The following PLXDC2 variants were observed in gnomAD, a reference collection of about 807,000 sequenced individuals.
PLXDC2 encodes plexin domain-containing protein 2.
A neutral mutation model predicts 68.9 loss-of-function variants in PLXDC2; 40 were observed. That is an observed-to-expected ratio of 0.58 (90% confidence interval 0.45 to 0.76). The LOEUF (loss-of-function observed/expected upper bound fraction) is 0.76, where lower values mean the gene tolerates loss of function less well. Ranked by LOEUF, PLXDC2 falls within the 30% of genes least tolerant of loss-of-function variation. PLXDC2 has a pLI of 0.00. For synonymous variants in PLXDC2, 243 were observed against 234.2 expected, an observed-to-expected ratio of 1.04 and a Z score of -0.34; for missense variants, 644 against 661.9, an observed-to-expected ratio of 0.97 and a Z score of 0.30.
intron 10 of PLXDC2, among the ~76,000 whole-genome samples, chr10:20,214,737 C>T (rs1200733189): frequency 3.3e-5 from 5 of 152,054 alleles, no homozygotes; most frequent in African/African-American, 7.2e-5. Context: ...CTTAGTCTGC[C>T]GTTACTGCCA....
At chr10:19,817,817 C>G (rs986290845) in intron 1 of PLXDC2, among the ~76,000 whole-genome samples, 1 of 152,202 alleles carries the variant, frequency 6.6e-6, no homozygotes, top group African/African-American at 2.4e-5. Context: ...CCCCTGCTCC[C>G]ATTGTCCTCC....
At chr10:19,978,928 C>A (rs1321959019) in intron 1 of PLXDC2, among the ~76,000 whole-genome samples, 1 of 152,056 alleles carries the variant, frequency 6.6e-6, no homozygotes, top group African/African-American at 2.4e-5. Flanking sequence ...AATGATGGAA[C>A]AAGAACAAAG....
At chr10:19,902,683 G>A (rs780295857) in intron 1 of PLXDC2, among the ~76,000 whole-genome samples, 2 of 152,086 alleles carry the variant, frequency 1.3e-5, no homozygotes, top group Non-Finnish European at 2.9e-5. Flanking sequence ...TCTTTCTCTT[G>A]TCTGATTGTC....
chr10:19,869,464 AG>A (rs1305356261), intron 1 of PLXDC2, among the ~76,000 whole-genome samples: 3 of 50,328 alleles, frequency 6.0e-5, no homozygotes, highest in African/African-American at 8.6e-5. Context: ...AGAGAGAGAG[AG>A]AAAGGGGGGG....
At chr10:20,250,271 C>CA (rs35463564) in intron 13 of PLXDC2, among the ~76,000 whole-genome samples, 17,626 of 108,414 alleles carry the variant, frequency 0.16, 1,684 homozygotes, top group African/African-American at 0.28. Context: ...GATCCTGTTT[C>CA]AAAAAAAAAA....
At chr10:20,093,158 A>T (rs1035078897) in intron 4 of PLXDC2, among the ~76,000 whole-genome samples, 1 of 152,308 alleles carries the variant, frequency 6.6e-6, no homozygotes, top group African/African-American at 2.4e-5. Context: ...TATTGATACA[A>T]GTCTAGGGAA....
chr10:20,276,785 G>T (rs954911015), intron 13 of PLXDC2, among the ~76,000 whole-genome samples: 2 of 152,082 alleles, frequency 1.3e-5, no homozygotes, highest in African/African-American at 4.8e-5. Context: ...ATCCCTGGCT[G>T]TGCTCAATCA....
intron 1 of PLXDC2, among the ~76,000 whole-genome samples, chr10:19,947,707 C>CTTTTTTTTTTTTTTT (rs34439585): frequency 8.3e-6 from 1 of 120,970 alleles, no homozygotes; most frequent in Admixed American, 8.7e-5. Context: ...TTCTTTCTTT[C>CTTTTTTTTTTTTTTT]TTTTTTTTTT....
At chr10:20,162,687 T>A (rs1834321026) in intron 6 of PLXDC2, among the ~76,000 whole-genome samples, 1 of 152,030 alleles carries the variant, frequency 6.6e-6, no homozygotes, top group Admixed American at 6.6e-5. Flanking sequence ...CAGCATGGGG[T>A]ATAAGACTGG....
chr10:20,224,323 C>T (rs9633642), intron 12 of PLXDC2, among the ~76,000 whole-genome samples: 34,940 of 151,980 alleles, frequency 0.23, 4,080 homozygotes, highest in African/African-American at 0.27. Context: ...TATGCATTTA[C>T]AACATTTTCT....
At chr10:19,833,947 CTTT>C (rs34795606) in intron 1 of PLXDC2, among the ~76,000 whole-genome samples, 183 of 140,502 alleles carry the variant, frequency 1.3e-3, no homozygotes, top group Non-Finnish European at 2.3e-3. Context: ...TCATATTTTG[CTTT>C]TTTTTTTTTT....
At chr10:20,195,196 C>T (rs1489269165) in intron 9 of PLXDC2, among the ~76,000 whole-genome samples, 2 of 152,034 alleles carry the variant, frequency 1.3e-5, no homozygotes, top group African/African-American at 4.8e-5. Flanking sequence ...GTGGTCCGGG[C>T]CTCACAGCCA....
Position 19,852,631 on chromosome 10 carries a change from T to C in PLXDC2, c.112+35440T>C, listed in dbSNP as rs528713439. 6.6e-5 allele frequency among the ~76,000 whole-genome samples: 10 copies of C among 152,190 alleles called. No individual in the cohort carries two copies. In the East Asian group the frequency reaches 1.5e-3, roughly 24 times the overall value. ...CTCATATTCCACAAAGTTTGTTGACTATAGATAATTATATAATATGCAAAT... is the reference window on the plus strand; with the variant it reads ...CTCATATTCCACAAAGTTTGTTGACCATAGATAATTATATAATATGCAAAT... On this transcript the variant is annotated intron_variant, in intron 1 of 13. Coordinates refer to ENST00000377252, the MANE Select transcript of PLXDC2 (RefSeq NM_032812.9).
chr10:19,945,574 T>C (rs905175699), intron 1 of PLXDC2, among the ~76,000 whole-genome samples: 1 of 152,194 alleles, frequency 6.6e-6, no homozygotes, highest in African/African-American at 2.4e-5. Context: ...GAGGATGGCT[T>C]TTAGCCTTGT....
chr10:19,993,303 A>G (rs1219684269), intron 1 of PLXDC2, among the ~76,000 whole-genome samples: 2 of 138,550 alleles, frequency 1.4e-5, no homozygotes, highest in African/African-American at 5.2e-5. Flanking sequence ...TTTCCATAGG[A>G]TAGTATATCA....
At chr10:19,845,412 A>G (rs929862311) in intron 1 of PLXDC2, among the ~76,000 whole-genome samples, 1 of 152,018 alleles carries the variant, frequency 6.6e-6, no homozygotes, top group East Asian at 1.9e-4. Context: ...GTTCCTTGGG[A>G]TCTTTGAAAA....
At chr10:20,248,482 T>A (rs2119341606) in intron 13 of PLXDC2, among the ~76,000 whole-genome samples, 1 of 152,310 alleles carries the variant, frequency 6.6e-6, no homozygotes, top group South Asian at 2.1e-4. Flanking sequence ...TAAGAATAAC[T>A]CTTTCTTCTT....
chr10:20,262,897 T>A (rs1835826949), intron 13 of PLXDC2, among the ~76,000 whole-genome samples: 1 of 152,212 alleles, frequency 6.6e-6, no homozygotes, highest in African/African-American at 2.4e-5. Context: ...TTGCCAGATA[T>A]ACTGAGCCAT....
chr10:20,083,326 A>C (rs1250266294), intron 4 of PLXDC2, among the ~76,000 whole-genome samples: 3 of 151,442 alleles, frequency 2.0e-5, no homozygotes, highest in Non-Finnish European at 4.4e-5. Flanking sequence ...AAATACAAAA[A>C]ATTAGCCGGG....
Sources: gnomAD v4.1 joint callset for allele counts (sites outside exome capture counted in the v4.1 genomes callset) on GRCh38, gnomAD v4.1.1 for gene constraint, MANE v1.5 for transcripts, NCBI Gene and HGNC (gene_info 2026-07-23, HGNC 2026-07-21) for gene names.